LTBP2: variants seen among roughly 807,000 people sequenced by gnomAD.
The protein encoded by LTBP2 is latent transforming growth factor beta binding protein 2.
LTBP2 carries 103 observed loss-of-function variants against 210.6 expected under a neutral mutation model. The ratio of observed to expected loss-of-function variants is 0.49; its 90% CI spans 0.42 to 0.58. The LOEUF (loss-of-function observed/expected upper bound fraction) is 0.58, where lower values mean the gene tolerates loss of function less well. Among genes scored for constraint, LTBP2 ranks in the 20% least tolerant of loss-of-function variants. The pLI is 0.00. For synonymous variants in LTBP2, 1,007 were observed against 1,015.0 expected (o/e 0.99, Z 0.15); for missense variants, 2,313 against 2,494.5 (o/e 0.93, Z 1.55).
chr14:74,550,153 A>G (rs1019624385), intron 7 of LTBP2, among the ~76,000 whole-genome samples, 188 bp from the exon 8 acceptor site: 4 of 152,100 alleles, frequency 2.6e-5, no homozygotes, highest in African/African-American at 9.7e-5. Context: ...CCTGCCATGC[A>G]CTCTCCCAGC....
intron 9 of LTBP2, among the ~76,000 whole-genome samples, chr14:74,533,321 G>A (rs1056241881): frequency 6.6e-6 from 1 of 152,242 alleles, no homozygotes; most frequent in African/African-American, 2.4e-5. Flanking sequence ...CTGGTTTGGG[G>A]AAATTGGCAC....
chr14:74,535,821 G>C (rs1566628009), intron 9 of LTBP2, 105 bp downstream of exon 9: 2 of 982,972 alleles, frequency 2.0e-6, no homozygotes, highest in South Asian at 2.7e-5. Context: ...GGGGCTTAGA[G>C]GGACTCAGTG....
At chr14:74,546,819 C>G (rs534064254) in intron 8 of LTBP2, among the ~76,000 whole-genome samples, 9 of 152,260 alleles carry the variant, frequency 5.9e-5, no homozygotes, top group Non-Finnish European at 8.8e-5. Flanking sequence ...GCTGAGCTCT[C>G]AAGGCTGGCA....
intron 18 of LTBP2, 130 bp from the exon 19 acceptor site, chr14:74,511,494 T>A: frequency 8.5e-7 from 1 of 1,180,608 alleles, no homozygotes; most frequent in South Asian, 1.2e-5. Flanking sequence ...TAGGAAAGAA[T>A]GAGAGCTGCC....
rs1595236826 is a variant in LTBP2 at position 74,503,076 on chromosome 14, C to T, written c.4889-142G>A. 2.2e-5 allele frequency: 33 copies of T among 1,480,896 alleles called. No individual in the cohort carries two copies. In the East Asian group the frequency reaches 2.3e-4, roughly 10 times the overall value. 91.7% of individuals were successfully genotyped at this position (1,480,896 alleles called of 1,614,324 possible). On this transcript the variant is annotated intron_variant, in intron 33 of 35. Transcript: ENST00000261978. ...TTCCTCTCCCCACCTCTCCCCTGCC[C>T]TACTTTGTCCCCAAACAGCAGGGAT...
intron 3 of LTBP2, among the ~76,000 whole-genome samples, chr14:74,577,775 G>T (rs2088079443): frequency 9.2e-6 from 1 of 108,366 alleles, no homozygotes; most frequent in African/African-American, 3.8e-5. Context: ...CCAAAGTGCT[G>T]GGATTACAGG....
chr14:74,546,522 G>T (rs923611421), intron 8 of LTBP2, among the ~76,000 whole-genome samples: 2 of 152,206 alleles, frequency 1.3e-5, no homozygotes, highest in Non-Finnish European at 2.9e-5. Flanking sequence ...CCTGGTCTTT[G>T]TTATTTCTTG....
Position 74,500,803 on chromosome 14 carries a change from C to T in LTBP2, c.*81G>A. The T allele has an allele frequency of 6.3e-7, 1 of 1,585,464 alleles. No individual in the cohort carries two copies. Among genetic ancestry groups the T allele is most frequent in the Non-Finnish European group, 8.6e-7 (1 of 1,156,944 alleles). On this transcript the variant is annotated 3_prime_UTR_variant, in exon 36 of 36. Coordinates refer to ENST00000261978, the MANE Select transcript of LTBP2 (RefSeq NM_000428.3). ...CTCTGGCCTGATGTCACGGTGTCTTCCCAGCTAGGAAATCATCCTCAAGGC... is the reference window on the plus strand; with the variant it reads ...CTCTGGCCTGATGTCACGGTGTCTTTCCAGCTAGGAAATCATCCTCAAGGC...
At chr14:74,534,817 A>G (rs1053229495) in intron 9 of LTBP2, among the ~76,000 whole-genome samples, 1 of 152,018 alleles carries the variant, frequency 6.6e-6, no homozygotes, top group African/African-American at 2.4e-5. Flanking sequence ...GACCACAGCC[A>G]CATACATGGG....
In LTBP2 at chr14:74,498,858, A is replaced by G. The variant is rs886050748; in HGVS notation, c.*2026T>C. The G allele has an allele frequency of 7.0e-5, 16 of 228,028 alleles. No individual in the cohort carries two copies. The highest frequency in any genetic ancestry group is 5.7e-4 in the Admixed American group (10 of 17,622). The allele number at this position is 228,028 out of a possible 1,614,324, so 14.1% of individuals were successfully genotyped here. On this transcript the variant is annotated 3_prime_UTR_variant, in exon 36 of 36. Transcript: ENST00000261978. ...CCCTTTTCCCCTTAATTTGTTTTGG[A>G]TATCTTTCTTAAGGAATTTAGAGCC...
chr14:74,591,567 A>G (rs1001751547), intron 2 of LTBP2, among the ~76,000 whole-genome samples: 4 of 152,158 alleles, frequency 2.6e-5, no homozygotes, highest in Non-Finnish European at 5.9e-5. Flanking sequence ...CGCCGGCTTC[A>G]CTCGCATCCT....
At chr14:74,558,524 A>C (rs551316236) in intron 3 of LTBP2, among the ~76,000 whole-genome samples, 1 of 152,366 alleles carries the variant, frequency 6.6e-6, no homozygotes, top group South Asian at 2.1e-4. Flanking sequence ...TGCCATGCTC[A>C]GGTTAGTGGC....
chr14:74,611,388 C>T (rs1595308341), intron 1 of LTBP2, 63 bp downstream of exon 1: 1 of 1,406,712 alleles, frequency 7.1e-7, no homozygotes, highest in East Asian at 2.7e-5. Flanking sequence ...CGCCTGCACG[C>T]CCCTCCACAA....
intron 9 of LTBP2, among the ~76,000 whole-genome samples, chr14:74,534,404 G>GTTC (rs1378238893): frequency 2.0e-5 from 3 of 152,178 alleles, no homozygotes; most frequent in Non-Finnish European, 4.4e-5. Flanking sequence ...AGCACAAACT[G>GTTC]TTCTTTTGCT....
rs1595242067 is a variant in LTBP2, at chr14:74,508,655, A to C, written c.3601T>G (p.Cys1201Gly). 1 of 1,613,156 alleles carries C rather than the reference A, an allele frequency of 6.2e-7. No individual in the cohort carries two copies. The highest frequency in any genetic ancestry group is 1.3e-5 in the African/African-American group (1 of 74,926). ...CTGACGAAGCCAGGCGCGCACAGAC[A>C]GAAGAAAGACCCGTGGCTGTTGAGG... ...ECLNSHGSFF[C>G]LCAPGFVSAE... is the part of the protein sequence containing the mutation. The change falls in exon 24 of 36, where the codon TGT (cysteine) becomes GGT (glycine). Residue 1201 changes from cysteine to glycine, a missense_variant. Cys to Gly is a radical substitution (Grantham distance 159, BLOSUM62 -3). Transcript: ENST00000261978.
intron 3 of LTBP2, among the ~76,000 whole-genome samples, chr14:74,556,049 C>T (rs2087724843): frequency 6.6e-6 from 1 of 152,192 alleles, no homozygotes; most frequent in African/African-American, 2.4e-5. Context: ...TGAGAACCCA[C>T]TATGGACCAG....
At chr14:74,509,560 C>G (rs2087042168) in intron 21 of LTBP2, among the ~76,000 whole-genome samples, 174 bp downstream of exon 21, 2 of 152,210 alleles carry the variant, frequency 1.3e-5, no homozygotes, top group South Asian at 4.1e-4. Flanking sequence ...TCACTCTGAA[C>G]TTGGGGATTA....
rs1313513042 is a variant in LTBP2 at position 74,504,013 on chromosome 14, T to C, written c.4495A>G (p.Asn1499Asp). The C allele has an allele frequency of 1.2e-6, 2 of 1,614,096 alleles. No homozygotes were observed. The highest frequency in any genetic ancestry group is 1.1e-5 in the South Asian group (1 of 91,080). ...CVIFGPGLCPNGRCLNTVPGY... is the reference protein window; with the variant it reads ...CVIFGPGLCPDGRCLNTVPGY... Reference sequence around the variant, plus strand: ...GGCACGGTGTTGAGGCACCGGCCGTTCGGGCAGAGACCAGGCCCGAATATC... The same window carrying C: ...GGCACGGTGTTGAGGCACCGGCCGTCCGGGCAGAGACCAGGCCCGAATATC... Residue 1499 changes from asparagine (N) to aspartate (D), a missense_variant, in exon 31 of 36, where the codon AAC (asparagine) becomes GAC (aspartate). This residue lies in a region of LTBP2 where 443 missense variants were observed against 501.4 expected (regional missense o/e 0.88). Coordinates refer to ENST00000261978, the MANE Select transcript of LTBP2 (RefSeq NM_000428.3).
At chr14:74,573,253 C>G (rs1034720774) in intron 3 of LTBP2, among the ~76,000 whole-genome samples, 6 of 152,224 alleles carry the variant, frequency 3.9e-5, no homozygotes, top group Non-Finnish European at 1.5e-5. Context: ...CGCCCTTACC[C>G]TCAGTGTCCT....
Sources: gnomAD v4.1 joint callset for allele counts (sites outside exome capture counted in the v4.1 genomes callset) on GRCh38, gnomAD v4.1.1 for gene constraint, gnomAD v4.1.1 regional missense constraint, MANE v1.5 for transcripts, NCBI Gene and HGNC (gene_info 2026-07-23, HGNC 2026-07-21) for gene names.